The following KIRREL3 variants were observed in gnomAD, a reference collection of about 807,000 sequenced individuals.
The protein encoded by KIRREL3 is kirre like nephrin family adhesion molecule 3, also known as kin of IRRE-like protein 3.
In KIRREL3, 36 loss-of-function variants were observed where a neutral mutation model predicts 89.7. The ratio of observed to expected loss-of-function variants is 0.40; its 90% confidence interval spans 0.31 to 0.53. The LOEUF (loss-of-function observed/expected upper bound fraction) is 0.53. Among genes scored for constraint, KIRREL3 ranks in the 20% least tolerant of loss-of-function variants. The probability of loss-of-function intolerance (pLI) is 0.49; values close to 1 mark genes in which losing one functional copy is unlikely to be tolerated. For missense variants in KIRREL3, 864 were observed against 1,056.6 expected (o/e 0.82, Z 2.53); for synonymous variants, 445 against 441.4 (o/e 1.01, Z -0.10).
rs147084770 is a variant in KIRREL3 at position 126,629,833 on chromosome 11, T to C, written c.56-66921A>G. Among the ~76,000 whole-genome samples the C allele has an allele frequency of 2.7e-3, 413 of 152,324 alleles. 2 individuals carry two copies. The highest frequency in any genetic ancestry group is 9.6e-3 in the African/African-American group (399 of 41,568). On this transcript the variant is annotated intron_variant, in intron 1 of 16. Transcript: ENST00000525144. ...TAAAAGATGCTCTCCTTCCTGGTTC[T>C]ATGAGCCACTCTGTCCCTTCACTGC...
rs1943255809 is a variant in KIRREL3, at chr11:126,614,251, A to G, written c.56-51339T>C. 1.3e-5 allele frequency among the ~76,000 whole-genome samples: 2 copies of G among 152,112 alleles called. No individual in the cohort carries two copies. The highest frequency in any genetic ancestry group is 4.8e-5 in the African/African-American group (2 of 41,418). On this transcript the variant is annotated intron_variant, in intron 1 of 16. Coordinates refer to ENST00000525144, the MANE Select transcript of KIRREL3 (RefSeq NM_032531.4). The surrounding 1 kb of genome is among the most constrained non-coding windows in gnomAD (Gnocchi z 4.6). ...GCATACCCCTTAGATTCCAGTTCCTAAGTCAGAATGTTAATTTCCAGGTAG... is the reference window on the plus strand; with the variant it reads ...GCATACCCCTTAGATTCCAGTTCCTGAGTCAGAATGTTAATTTCCAGGTAG...
Position 126,544,878 on chromosome 11 carries a change from T to C in KIRREL3, c.133+17957A>G, listed in dbSNP as rs73634624. Reference sequence around the variant, plus strand: ...TGTCTTTGTTTGGCCATGCACTGTCTAAACTCCTCTAACCTATTTAGGCCA... The same window carrying C: ...TGTCTTTGTTTGGCCATGCACTGTCCAAACTCCTCTAACCTATTTAGGCCA... On this transcript the variant is annotated intron_variant, in intron 2 of 16. Coordinates refer to ENST00000525144, the MANE Select transcript of KIRREL3 (RefSeq NM_032531.4). The surrounding 1 kb of genome is among the most constrained non-coding windows in gnomAD (Gnocchi z 5.6). Among the ~76,000 whole-genome samples, 4,329 of 152,254 alleles carry C rather than the reference T, an allele frequency of 0.028. 175 individuals are homozygous for C. Among genetic ancestry groups the C allele is most frequent in the African/African-American group, 0.09 (3,716 of 41,506 alleles).
intron 1 of KIRREL3, among the ~76,000 whole-genome samples, chr11:126,974,312 C>T (rs1043591136): frequency 6.6e-5 from 10 of 152,146 alleles, no homozygotes; most frequent in Non-Finnish European, 1.2e-4. Context: ...AACAGTCATG[C>T]ATCACTTAAC....
At chr11:126,618,804 C>T (rs914634615) in intron 1 of KIRREL3, among the ~76,000 whole-genome samples, 2 of 152,226 alleles carry the variant, frequency 1.3e-5, no homozygotes, top group African/African-American at 4.8e-5. Flanking sequence ...AAGAGTCTTC[C>T]CAGAGCATCC....
intron 4 of KIRREL3, among the ~76,000 whole-genome samples, chr11:126,500,949 T>C (rs866271514): frequency 2.0e-5 from 3 of 152,190 alleles, no homozygotes; most frequent in Non-Finnish European, 4.4e-5. Context: ...TGCTGGTCTG[T>C]TGCATTTGTC....
rs894240652 is a variant in KIRREL3, at chr11:126,978,354, T to A, written c.55+22101A>T. Among the ~76,000 whole-genome samples the A allele has an allele frequency of 2.0e-5, 3 of 152,216 alleles. No individual in the cohort carries two copies. Among genetic ancestry groups the A allele is most frequent in the Non-Finnish European group, 4.4e-5 (3 of 68,030 alleles). On this transcript the variant is annotated intron_variant, in intron 1 of 16. Coordinates refer to ENST00000525144, the MANE Select transcript of KIRREL3 (RefSeq NM_032531.4). The surrounding 1 kb of genome is among the most constrained non-coding windows in gnomAD (Gnocchi z 4.2). ...TCAAACTTTAGCCAATTAGGTTTCC[T>A]CCATTCTTATGTGTGGAACCTCTGG...
upstream of KIRREL3, chr11:127,001,227 G>A (rs1276017411): frequency 6.7e-6 from 1 of 148,684 alleles, no homozygotes; most frequent in Non-Finnish European, 1.5e-5. Flanking sequence ...CTTGGCCAAT[G>A]TGTGCAGCGG....
chr11:126,502,405 C>T (rs1381520630), intron 4 of KIRREL3, among the ~76,000 whole-genome samples: 1 of 152,224 alleles, frequency 6.6e-6, no homozygotes, highest in Non-Finnish European at 1.5e-5. Context: ...TGCCCAGGCA[C>T]AGTCAGAAGA....
Position 126,993,730 on chromosome 11 carries a change from A to T in KIRREL3, c.55+6725T>A, listed in dbSNP as rs184246741. On this transcript the variant is annotated intron_variant, in intron 1 of 16. Transcript: ENST00000525144. This position sits in a 1 kb window ranked among gnomAD's most constrained non-coding sequence, Gnocchi z 6.1. ...CAAGGGCTGAGCCTTAGTGTCATAA[A>T]ATGGTATTTGATCACAAAGGAAGGA... is the stretch of plus-strand genomic sequence containing the variant. Among the ~76,000 whole-genome samples, 11 of 152,328 alleles carry T rather than the reference A, an allele frequency of 7.2e-5. No individual in the cohort carries two copies. The highest frequency in any genetic ancestry group is 1.3e-4 in the Non-Finnish European group (9 of 68,034).
chr11:126,894,542 CAAAAAAAAAA>C (rs10630231), intron 1 of KIRREL3, among the ~76,000 whole-genome samples: 2 of 17,480 alleles, frequency 1.1e-4, no homozygotes, highest in Non-Finnish European at 1.9e-4. Context: ...GACCTCATCT[CAAAAAAAAAA>C]AAAAAAAAAA....
chr11:126,947,482 C>A (rs150012059), intron 1 of KIRREL3, among the ~76,000 whole-genome samples: 1 of 152,168 alleles, frequency 6.6e-6, no homozygotes, highest in Admixed American at 6.6e-5. Flanking sequence ...CCTGTCTTGG[C>A]GGATTTAGAA....
In KIRREL3 at chr11:126,462,805, C is replaced by G. The variant is rs1414368197; in HGVS notation, c.742+352G>C. The stretch of plus-strand genomic sequence containing the variant: ...GCTTGCCAATTCTGAAGCCTGGGGA[C>G]CCTTCAAATACCAGCATCTCCACTC... On this transcript the variant is annotated intron_variant, in intron 6 of 16. Coordinates refer to ENST00000525144, the MANE Select transcript of KIRREL3 (RefSeq NM_032531.4). This position sits in a 1 kb window ranked among gnomAD's most constrained non-coding sequence, Gnocchi z 4.8. Among the ~76,000 whole-genome samples, 3 of 152,188 alleles carry G rather than the reference C, an allele frequency of 2.0e-5. No homozygotes were observed. Among genetic ancestry groups the G allele is most frequent in the Non-Finnish European group, 2.9e-5 (2 of 68,030 alleles).
rs954726036 is a variant in KIRREL3 at position 126,666,776 on chromosome 11, A to G, written c.56-103864T>C. ...AGGTCTTTCACCAGAAGAATAAAAG[A>G]CCATGCTTTTGAGGAGCCAGTCACT... On this transcript the variant is annotated intron_variant, in intron 1 of 16. Coordinates refer to ENST00000525144, the MANE Select transcript of KIRREL3 (RefSeq NM_032531.4). The surrounding 1 kb of genome is among the most constrained non-coding windows in gnomAD (Gnocchi z 4.2). 6.6e-6 allele frequency among the ~76,000 whole-genome samples: 1 copy of G among 152,172 alleles called. No individual in the cohort carries two copies. The highest frequency in any genetic ancestry group is 2.4e-5 in the African/African-American group (1 of 41,432).
At chr11:126,753,877 G>T (rs187364698) in intron 1 of KIRREL3, among the ~76,000 whole-genome samples, 16 of 152,298 alleles carry the variant, frequency 1.1e-4, no homozygotes, top group Admixed American at 6.5e-4. Flanking sequence ...TCCACAGATC[G>T]TATTAGTCTT....
At position 126,490,012 on chromosome 11, in the gene KIRREL3, C is replaced by T. The variant is rs1957466882; in HGVS notation, c.434-16546G>A. Among the ~76,000 whole-genome samples, 1 of 152,084 alleles carries T rather than the reference C, an allele frequency of 6.6e-6. No homozygotes were observed. The highest frequency in any genetic ancestry group is 2.4e-5 in the African/African-American group (1 of 41,402). ...AATGAGACGTGTTGCTTGGAAGCAGCCCATGAGCTGCTTCGAGGAGTGAAC... is the reference window on the plus strand; with the variant it reads ...AATGAGACGTGTTGCTTGGAAGCAGTCCATGAGCTGCTTCGAGGAGTGAAC... On this transcript the variant is annotated intron_variant, in intron 4 of 16. Transcript: ENST00000525144. The surrounding 1 kb of genome is among the most constrained non-coding windows in gnomAD (Gnocchi z 4.2).
intron 1 of KIRREL3, among the ~76,000 whole-genome samples, chr11:126,950,532 A>C (rs1948748611): frequency 6.6e-6 from 1 of 152,230 alleles, no homozygotes; most frequent in Admixed American, 6.5e-5. Context: ...GTTACAGTTC[A>C]TCTGGTAACA....
In KIRREL3 at chr11:126,557,986, G is replaced by T. The variant is rs901579143; in HGVS notation, c.133+4849C>A. 6.6e-6 allele frequency among the ~76,000 whole-genome samples: 1 copy of T among 152,212 alleles called. No individual in the cohort carries two copies. Among genetic ancestry groups the T allele is most frequent in the African/African-American group, 2.4e-5 (1 of 41,448 alleles). ...TCACAAGTATTTCGTCCTGAAAGATGAAAGGGACAGCACCCAGAGGCATTT... is the reference window on the plus strand; with the variant it reads ...TCACAAGTATTTCGTCCTGAAAGATTAAAGGGACAGCACCCAGAGGCATTT... On this transcript the variant is annotated intron_variant, in intron 2 of 16. Transcript: ENST00000525144. The surrounding 1 kb of genome is among the most constrained non-coding windows in gnomAD (Gnocchi z 5.6).
chr11:126,427,939 A>G lies in KIRREL3; in HGVS notation c.1806+1240T>C, dbSNP rs1955000265. Among the ~76,000 whole-genome samples, 4 of 152,186 alleles carry G rather than the reference A, an allele frequency of 2.6e-5. No homozygotes were observed. Among genetic ancestry groups the G allele is most frequent in the Admixed American group, 2.6e-4 (4 of 15,272 alleles). ...CATTTGAGACACTTTTTGAAGTGGAATTGACAGGACCTGAAAATCAATTGG... is the reference window on the plus strand; with the variant it reads ...CATTTGAGACACTTTTTGAAGTGGAGTTGACAGGACCTGAAAATCAATTGG... On this transcript the variant is annotated intron_variant, in intron 15 of 16. Transcript: ENST00000525144. The surrounding 1 kb of genome is among the most constrained non-coding windows in gnomAD (Gnocchi z 5.3).
At chr11:126,644,517 C>G (rs2134944516) in intron 1 of KIRREL3, among the ~76,000 whole-genome samples, 1 of 152,046 alleles carries the variant, frequency 6.6e-6, no homozygotes, top group South Asian at 2.1e-4. Context: ...CTGAGGAGGT[C>G]AGAGGCTTGG....
Sources: gnomAD v4.1 joint callset for allele counts (sites outside exome capture counted in the v4.1 genomes callset) on GRCh38, gnomAD v4.1.1 for gene constraint, Gnocchi (gnomAD v3.1) non-coding constraint, MANE v1.5 for transcripts, NCBI Gene and HGNC (gene_info 2026-07-23, HGNC 2026-07-21) for gene names.